Variants in NUBPL observed in about 807,000 individuals in gnomAD.
NUBPL encodes the protein NUBP iron-sulfur cluster assembly factor, mitochondrial.
A neutral mutation model predicts 45.7 loss-of-function variants in NUBPL; 31 were observed. That is an observed-to-expected ratio of 0.68 (90% confidence interval 0.51 to 0.92). NUBPL has a LOEUF of 0.92. NUBPL is among the 40% of genes least tolerant of loss of function. The probability of loss-of-function intolerance (pLI) is 0.00; values close to 1 mark genes in which losing one functional copy is unlikely to be tolerated. For synonymous variants in NUBPL, 144 were observed against 140.9 expected, an observed-to-expected ratio of 1.02 and a Z score of -0.15; for missense variants, 401 against 398.7, an observed-to-expected ratio of 1.01 and a Z score of -0.05.
At chr14:31,640,197 G>C (rs914470429) in intron 4 of NUBPL, among the ~76,000 whole-genome samples, 1 of 152,184 alleles carries the variant, frequency 6.6e-6, no homozygotes, top group Non-Finnish European at 1.5e-5. Flanking sequence ...GGGAGCTGTA[G>C]ACCAGAGCTG....
At chr14:31,570,545 A>C (rs745447670) in intron 3 of NUBPL, among the ~76,000 whole-genome samples, 4 of 152,218 alleles carry the variant, frequency 2.6e-5, no homozygotes, top group Non-Finnish European at 4.4e-5. Context: ...AGAAACCTGT[A>C]ATGCAATCCA....
At chr14:31,820,336 A>G (rs2039996328) in intron 7 of NUBPL, among the ~76,000 whole-genome samples, 1 of 152,134 alleles carries the variant, frequency 6.6e-6, no homozygotes, top group Admixed American at 6.5e-5. Flanking sequence ...AACTGAAGTG[A>G]CATCATTAAT....
At chr14:31,645,607 G>C (rs2035826344) in intron 4 of NUBPL, among the ~76,000 whole-genome samples, 1 of 151,842 alleles carries the variant, frequency 6.6e-6, no homozygotes, top group African/African-American at 2.4e-5. Context: ...GTTTTAATTT[G>C]TTGCTTTTTA....
At chr14:31,640,664 C>G (rs2035666799) in intron 4 of NUBPL, among the ~76,000 whole-genome samples, 1 of 150,934 alleles carries the variant, frequency 6.6e-6, no homozygotes, top group Non-Finnish European at 1.5e-5. Flanking sequence ...ATCAAATTCC[C>G]TTAATCTTTT....
intron 6 of NUBPL, among the ~76,000 whole-genome samples, chr14:31,736,379 C>G (rs1053826047): frequency 6.6e-6 from 1 of 152,052 alleles, no homozygotes; most frequent in Non-Finnish European, 1.5e-5. Context: ...CCTCTTGTGT[C>G]TTTATACTCA....
At chr14:31,826,805 G>T in intron 8 of NUBPL, 91 bp downstream of exon 8, 1 of 1,241,480 alleles carries the variant, frequency 8.1e-7, no homozygotes, top group Non-Finnish European at 1.2e-6. Context: ...TTTTAATTTA[G>T]TCCTGTACAG....
At chr14:31,682,342 CTT>C (rs1030000288) in intron 6 of NUBPL, among the ~76,000 whole-genome samples, 1 of 152,190 alleles carries the variant, frequency 6.6e-6, no homozygotes, top group African/African-American at 2.4e-5. Context: ...GCCACATTTG[CTT>C]TTCTTATGCA....
intron 4 of NUBPL, among the ~76,000 whole-genome samples, chr14:31,640,916 CTAT>C (rs1458526464): frequency 2.6e-5 from 4 of 151,652 alleles, no homozygotes; most frequent in African/African-American, 9.7e-5. Flanking sequence ...CCCTACTGAT[CTAT>C]TGAATACCAG....
intron 6 of NUBPL, among the ~76,000 whole-genome samples, chr14:31,701,277 T>A (rs2037331912): frequency 6.6e-6 from 1 of 151,804 alleles, no homozygotes; most frequent in Admixed American, 6.6e-5. Context: ...TTGGAGAACT[T>A]TTATGTCTAG....
At chr14:31,616,194 C>T (rs2034894290) in intron 4 of NUBPL, among the ~76,000 whole-genome samples, 1 of 152,124 alleles carries the variant, frequency 6.6e-6, no homozygotes, top group Non-Finnish European at 1.5e-5. Context: ...AGCCCTTTGT[C>T]AGATGGATAG....
intron 6 of NUBPL, among the ~76,000 whole-genome samples, chr14:31,675,412 G>T (rs570829239): frequency 5.9e-5 from 9 of 152,238 alleles, no homozygotes; most frequent in African/African-American, 2.2e-4. Flanking sequence ...CTTTTGTTTT[G>T]ATTTAGAAAC....
chr14:31,649,216 G>C (rs1281281727), intron 4 of NUBPL, among the ~76,000 whole-genome samples: 1 of 152,178 alleles, frequency 6.6e-6, no homozygotes, highest in Non-Finnish European at 1.5e-5. Context: ...GAACCTTTAA[G>C]ATAATTGGAT....
chr14:31,638,044 T>C (rs1301308324), intron 4 of NUBPL, among the ~76,000 whole-genome samples: 12 of 152,220 alleles, frequency 7.9e-5, no homozygotes, highest in Admixed American at 3.9e-4. Flanking sequence ...CTTTATCCAA[T>C]TTGCCAGTCT....
At chr14:31,825,377 CCT>C (rs772448791) in intron 7 of NUBPL, among the ~76,000 whole-genome samples, 8 of 152,146 alleles carry the variant, frequency 5.3e-5, no homozygotes, top group South Asian at 2.1e-4. Flanking sequence ...CCTGTGCACA[CCT>C]CTGTTATAAT....
chr14:31,729,906 T>C (rs1207961835), intron 6 of NUBPL, among the ~76,000 whole-genome samples: 2 of 152,168 alleles, frequency 1.3e-5, no homozygotes, highest in Non-Finnish European at 2.9e-5. Context: ...ACAGTGATAG[T>C]GGTCATCCTT....
intron 6 of NUBPL, among the ~76,000 whole-genome samples, chr14:31,703,902 C>A (rs958090873): frequency 2.0e-5 from 3 of 148,750 alleles, no homozygotes; most frequent in African/African-American, 7.3e-5. Flanking sequence ...ATTGTCTCTG[C>A]CTGGCACAGC....
intron 6 of NUBPL, among the ~76,000 whole-genome samples, chr14:31,773,936 A>C (rs779915269): frequency 6.6e-6 from 1 of 152,216 alleles, no homozygotes; most frequent in African/African-American, 2.4e-5. Flanking sequence ...TTGTCCTGTC[A>C]CTTATGGCAT....
chr14:31,842,096 AATTTTTGT>A (rs1297562374), intron 8 of NUBPL, among the ~76,000 whole-genome samples: 4 of 150,960 alleles, frequency 2.6e-5, no homozygotes, highest in Non-Finnish European at 5.9e-5. Flanking sequence ...ACGCCCAGCT[AATTTTTGT>A]ATTTTTAGTA....
At chr14:31,635,137 T>C (rs981848813) in intron 4 of NUBPL, among the ~76,000 whole-genome samples, 9 of 149,606 alleles carry the variant, frequency 6.0e-5, no homozygotes, top group African/African-American at 1.7e-4. Flanking sequence ...CCATTGCTTT[T>C]GGTGTTTTAG....
Sources: gnomAD v4.1 joint callset for allele counts (sites outside exome capture counted in the v4.1 genomes callset) on GRCh38, gnomAD v4.1.1 for gene constraint, MANE v1.5 for transcripts, NCBI Gene and HGNC (gene_info 2026-07-23, HGNC 2026-07-21) for gene names.